GRIK4: variants seen among roughly 807,000 people sequenced by gnomAD.
The protein encoded by GRIK4 is glutamate ionotropic receptor kainate type subunit 4.
A neutral mutation model predicts 104.9 loss-of-function variants in GRIK4; 40 were observed. The ratio of observed to expected loss-of-function variants is 0.38; its 90% CI spans 0.30 to 0.50. The LOEUF is 0.50. Among genes scored for constraint, GRIK4 ranks in the 20% least tolerant of loss-of-function variants. The pLI, the probability that GRIK4 is intolerant of heterozygous loss-of-function variation, is 0.93. For synonymous variants in GRIK4, 485 were observed against 524.9 expected, an observed-to-expected ratio of 0.92 and a Z score of 1.04; for missense variants, 1,047 against 1,308.1, an observed-to-expected ratio of 0.80 and a Z score of 3.08.
rs144728593 is a variant in GRIK4 at position 120,749,602 on chromosome 11, C to T, written c.83-53091C>T. Among the ~76,000 whole-genome samples, 23 of 152,292 alleles carry T rather than the reference C, an allele frequency of 1.5e-4. No individual in the cohort carries two copies. In the East Asian group the frequency reaches 4.4e-3, roughly 29 times the overall value. On this transcript the variant is annotated intron_variant, in intron 3 of 20. Coordinates refer to ENST00000527524, the MANE Select transcript of GRIK4 (RefSeq NM_014619.5). ...TGAATCACACCAAAAGGCCTGGGTTCGTCCAGCTGAGAATTGAGGGTGTAG... is the reference window on the plus strand; with the variant it reads ...TGAATCACACCAAAAGGCCTGGGTTTGTCCAGCTGAGAATTGAGGGTGTAG...
chr11:120,514,993 G>A lies in GRIK4; in HGVS notation c.-159+3106G>A, dbSNP rs185146570. 1.2e-4 allele frequency: 54 copies of A among 456,674 alleles called. No individual in the cohort carries two copies. The Admixed American group carries it at 1.2e-3, about 11-fold the overall frequency. 28.3% of individuals were successfully genotyped at this position (456,674 alleles called of 1,614,324 possible). On this transcript the variant is annotated intron_variant, in intron 1 of 20. Coordinates refer to ENST00000527524, the MANE Select transcript of GRIK4 (RefSeq NM_014619.5). ...TGCCTGTCTTCTTACAGAGGGTAAC[G>A]CTTCTCACAGGGGACCCTGTCTCAG...
Position 120,962,509 on chromosome 11 carries a change from G to A in GRIK4, c.2094G>A (p.Gln698=). 4 of 1,614,114 alleles carry A rather than the reference G, an allele frequency of 2.5e-6. No homozygotes were observed. Among genetic ancestry groups the A allele is most frequent in the Non-Finnish European group, 3.4e-6 (4 of 1,179,994 alleles). Residue 698 remains glutamine (Q), a synonymous_variant, in exon 18 of 21, where the codon CAG becomes CAA. Transcript: ENST00000527524. The stretch of plus-strand genomic sequence containing the variant: ...TGTGGAATTACATGTATTCCAAGCA[G>A]CCCAGCGTGTTCGTGAAGAGCACAG... ...QRMWNYMYSK[Q]PSVFVKSTEE...
intron 1 of GRIK4, among the ~76,000 whole-genome samples, chr11:120,598,625 G>T (rs1948838794): frequency 6.6e-6 from 1 of 152,202 alleles, no homozygotes; most frequent in Non-Finnish European, 1.5e-5. Flanking sequence ...TGGCCAGGTT[G>T]TCTGGGGCTG....
At chr11:120,778,740 C>T (rs183793148) in intron 3 of GRIK4, among the ~76,000 whole-genome samples, 13 of 152,358 alleles carry the variant, frequency 8.5e-5, no homozygotes, top group African/African-American at 1.9e-4. Context: ...AAGTTCATTA[C>T]ACAGGGGCCG....
In GRIK4 at chr11:120,956,813, A is replaced by G. The variant is rs1252744931; in HGVS notation, c.1734A>G (p.Pro578=). ...LTPYEWYSPH[P]CAQGRCNLLV... is the part of the protein sequence containing the mutation. ...CCTACGAGTGGTACAGCCCACACCC[A>G]TGTGCCCAGGGCCGGTGCAACCTCC... The change falls in exon 16 of 21, where the codon CCA becomes CCG. Residue 578 remains proline, a synonymous_variant. Transcript: ENST00000527524. This position sits in a 1 kb window ranked among gnomAD's most constrained non-coding sequence, Gnocchi z 4.6. 1.2e-6 allele frequency: 2 copies of G among 1,613,244 alleles called. No individual in the cohort carries two copies. The highest frequency in any genetic ancestry group is 1.7e-6 in the Non-Finnish European group (2 of 1,179,576).
chr11:120,708,647 C>T (rs914691746), intron 3 of GRIK4, among the ~76,000 whole-genome samples: 9 of 152,230 alleles, frequency 5.9e-5, no homozygotes, highest in African/African-American at 2.2e-4. Context: ...ACAGAGGCAG[C>T]TGCTGGTTCC....
At chr11:120,958,671 T>C (rs1291848975) in intron 16 of GRIK4, among the ~76,000 whole-genome samples, 1 of 152,220 alleles carries the variant, frequency 6.6e-6, no homozygotes, top group Non-Finnish European at 1.5e-5. Flanking sequence ...TCATTCCCTT[T>C]CTCAGCAGAG....
intron 7 of GRIK4, among the ~76,000 whole-genome samples, chr11:120,834,263 GGTGT>G (rs141196181): frequency 0.2 from 29,135 of 145,958 alleles, 3,126 homozygotes; most frequent in Admixed American, 0.33. Flanking sequence ...ACACTTTATA[GGTGT>G]GTGTGTGTGT....
chr11:120,835,796 T>C (rs1416843675), intron 7 of GRIK4, among the ~76,000 whole-genome samples: 1 of 152,120 alleles, frequency 6.6e-6, no homozygotes, highest in Non-Finnish European at 1.5e-5. Context: ...CTATAGTACC[T>C]GTCACACTCA....
chr11:120,872,784 G>C, intron 9 of GRIK4: 1 of 186,578 alleles, frequency 5.4e-6, no homozygotes, highest in Non-Finnish European at 1.1e-5. Flanking sequence ...TTTTTGCCAG[G>C]GACCCCGCAT....
At chr11:120,942,568 C>A (rs1318411739) in intron 14 of GRIK4, among the ~76,000 whole-genome samples, 2 of 152,112 alleles carry the variant, frequency 1.3e-5, no homozygotes, top group African/African-American at 4.8e-5. Flanking sequence ...GTTTTTGCCA[C>A]CAGGAAACAC....
intron 3 of GRIK4, among the ~76,000 whole-genome samples, chr11:120,704,352 G>A (rs551847952): frequency 2.9e-4 from 44 of 152,342 alleles, no homozygotes; most frequent in African/African-American, 1.0e-3. Flanking sequence ...CTTAGGAAGA[G>A]CTATTGGATT....
chr11:120,630,449 T>C (rs965289797), intron 1 of GRIK4, among the ~76,000 whole-genome samples: 2 of 152,242 alleles, frequency 1.3e-5, no homozygotes, highest in African/African-American at 4.8e-5. Context: ...CAGCCCAGGC[T>C]CTGCACTATC....
intron 13 of GRIK4, among the ~76,000 whole-genome samples, chr11:120,920,965 C>T (rs1413599190): frequency 1.3e-5 from 2 of 152,206 alleles, no homozygotes; most frequent in African/African-American, 4.8e-5. Context: ...TTGGACACAG[C>T]ATGGTCAGTT....
In GRIK4 at chr11:120,783,831, C is replaced by T. The variant is rs540736691; in HGVS notation, c.83-18862C>T. On this transcript the variant is annotated intron_variant, in intron 3 of 20. Coordinates refer to ENST00000527524, the MANE Select transcript of GRIK4 (RefSeq NM_014619.5). ...AGCAGGTTAGTTTCAAGGAAACAGG[C>T]GGGTTAGTGTCCAGGAAAAAAACGA... 1.5e-3 allele frequency among the ~76,000 whole-genome samples: 233 copies of T among 152,202 alleles called. 1 individual carries two copies. The highest frequency in any genetic ancestry group is 2.4e-3 in the Non-Finnish European group (162 of 68,016).
chr11:120,871,864 A>G (rs1428784110), intron 9 of GRIK4: 4 of 456,344 alleles, frequency 8.8e-6, no homozygotes, highest in Non-Finnish European at 1.8e-5. Context: ...ATGCGGGTGA[A>G]CTTGGACTGG....
intron 13 of GRIK4, among the ~76,000 whole-genome samples, chr11:120,917,269 A>AAAAAAAAAAAG (rs1463389337): frequency 1.2e-4 from 16 of 138,282 alleles, no homozygotes; most frequent in Non-Finnish European, 1.7e-4. Flanking sequence ...AAAAAAAAAA[A>AAAAAAAAAAAG]AAAGAAAGAA....
chr11:120,588,494 G>T (rs749991661), intron 1 of GRIK4, among the ~76,000 whole-genome samples: 10 of 152,086 alleles, frequency 6.6e-5, no homozygotes, highest in Non-Finnish European at 1.3e-4. Flanking sequence ...TTTTGAGTAG[G>T]TTTTCAGCAG....
chr11:120,780,431 C>T (rs1201489643), intron 3 of GRIK4, among the ~76,000 whole-genome samples: 2 of 152,200 alleles, frequency 1.3e-5, no homozygotes, highest in Non-Finnish European at 2.9e-5. Flanking sequence ...ATAATGTTTA[C>T]AAAGTTCATC....
Sources: allele counts gnomAD v4.1 joint callset (sites outside exome capture counted in the v4.1 genomes callset), GRCh38; gene constraint gnomAD v4.1.1; non-coding constraint Gnocchi (gnomAD v3.1); transcripts MANE v1.5; gene names NCBI Gene and HGNC (gene_info 2026-07-23, HGNC 2026-07-21).